The following SMYD3 variants were observed in gnomAD, a reference collection of about 807,000 sequenced individuals.
The protein encoded by SMYD3 is SET and MYND domain containing 3, also known as histone-lysine N-methyltransferase SMYD3.
SMYD3 carries 36 observed loss-of-function variants against 57.7 expected under a neutral mutation model. The observed-to-expected ratio is 0.62, with a 90% CI of 0.48 to 0.82. SMYD3 has a LOEUF of 0.82. Among genes scored for constraint, SMYD3 ranks in the 40% least tolerant of loss-of-function variants. The pLI, the probability that SMYD3 is intolerant of heterozygous loss-of-function variation, is 0.00. For missense variants in SMYD3, 515 were observed against 538.8 expected (o/e 0.96, Z 0.44); for synonymous variants, 211 against 195.0 (o/e 1.08, Z -0.68).
At chr1:246,039,540 C>T (rs2059832655) in intron 5 of SMYD3, among the ~76,000 whole-genome samples, 1 of 152,182 alleles carries the variant, frequency 6.6e-6, no homozygotes, top group Non-Finnish European at 1.5e-5. Context: ...TGTGGGATTG[C>T]TGTATCCCTC....
In SMYD3 at chr1:246,182,144, C is replaced by T. The variant is rs186846451; in HGVS notation, c.531+145057G>A. Among the ~76,000 whole-genome samples the T allele has an allele frequency of 7.9e-5, 12 of 152,230 alleles. No homozygotes were observed. In the South Asian group the frequency reaches 1.0e-3, roughly 13 times the overall value. ...AAAACCTCACCACTGTTGTTCTCAT[C>T]GTAACTGAAATCCAGCACATTAAAG... On this transcript the variant is annotated intron_variant, in intron 5 of 11. Coordinates refer to ENST00000490107, the MANE Select transcript of SMYD3 (RefSeq NM_001167740.2).
At chr1:246,338,795 C>A (rs1456243109) in intron 2 of SMYD3, among the ~76,000 whole-genome samples, 2 of 152,148 alleles carry the variant, frequency 1.3e-5, no homozygotes. Context: ...ATTAACCACA[C>A]CAGTAGTTCT....
At chr1:245,987,204 T>A (rs1272528213) in intron 5 of SMYD3, among the ~76,000 whole-genome samples, 1 of 152,230 alleles carries the variant, frequency 6.6e-6, no homozygotes, top group Non-Finnish European at 1.5e-5. Flanking sequence ...GATGTTCCCA[T>A]AATCAGCCAC....
intron 5 of SMYD3, among the ~76,000 whole-genome samples, chr1:246,041,611 C>G (rs1222951497): frequency 1.3e-5 from 2 of 152,096 alleles, no homozygotes; most frequent in East Asian, 3.9e-4. Flanking sequence ...TGGGTAAACT[C>G]AGCAATGTTC....
chr1:246,296,178 C>T (rs10802383), intron 5 of SMYD3, among the ~76,000 whole-genome samples: 16,079 of 152,188 alleles, frequency 0.11, 1,694 homozygotes, highest in African/African-American at 0.27. Flanking sequence ...AGAGAAACTT[C>T]CTCCACAACC....
At chr1:246,158,096 T>G (rs1005450407) in intron 5 of SMYD3, among the ~76,000 whole-genome samples, 1 of 152,206 alleles carries the variant, frequency 6.6e-6, no homozygotes, top group Admixed American at 6.5e-5. Flanking sequence ...TCAGAATGAA[T>G]TATTAAAGCC....
intron 5 of SMYD3, among the ~76,000 whole-genome samples, chr1:246,005,056 C>T (rs2059145535): frequency 6.6e-6 from 1 of 152,048 alleles, no homozygotes; most frequent in Non-Finnish European, 1.5e-5. Context: ...TCCATGTTGC[C>T]CATGCTGGTC....
At chr1:246,378,759 AAT>A (rs1178690767) in intron 1 of SMYD3, among the ~76,000 whole-genome samples, 1 of 105,364 alleles carries the variant, frequency 9.5e-6, no homozygotes, top group Non-Finnish European at 1.8e-5. Context: ...TAATATATTT[AAT>A]ATATTATATA....
intron 5 of SMYD3, among the ~76,000 whole-genome samples, chr1:246,214,663 G>T (rs2063137321): frequency 6.6e-6 from 1 of 152,110 alleles, no homozygotes; most frequent in African/African-American, 2.4e-5. Flanking sequence ...AAGAGAGAAG[G>T]TTCTGCCCTA....
intron 10 of SMYD3, among the ~76,000 whole-genome samples, chr1:245,831,907 T>C (rs1400767452): frequency 6.6e-6 from 1 of 152,234 alleles, no homozygotes; most frequent in African/African-American, 2.4e-5. Context: ...TTGGAAACTT[T>C]GCCGGACATT....
intron 10 of SMYD3, among the ~76,000 whole-genome samples, chr1:245,828,994 C>T (rs752169427): frequency 3.3e-5 from 5 of 152,038 alleles, no homozygotes; most frequent in African/African-American, 1.2e-4. Context: ...TGAGCCACCA[C>T]GCCCGGCCAG....
chr1:246,284,865 T>C (rs947379260), intron 5 of SMYD3, among the ~76,000 whole-genome samples: 3 of 152,218 alleles, frequency 2.0e-5, no homozygotes, highest in Admixed American at 6.5e-5. Context: ...TCTGGTCATG[T>C]TGCTTTTAAA....
At chr1:246,465,783 A>AT (rs2067873386) in intron 1 of SMYD3, among the ~76,000 whole-genome samples, 2 of 152,070 alleles carry the variant, frequency 1.3e-5, no homozygotes, top group Admixed American at 1.3e-4. Context: ...TTTGTTTTTC[A>AT]TTTTTTTGAA....
chr1:246,144,039 T>G (rs372522114), intron 5 of SMYD3, among the ~76,000 whole-genome samples: 1 of 152,256 alleles, frequency 6.6e-6, no homozygotes, highest in East Asian at 1.9e-4. Context: ...AAGCTGGAGA[T>G]TTTCTTCTCC....
At chr1:246,241,452 G>A (rs778238055) in intron 5 of SMYD3, among the ~76,000 whole-genome samples, 10 of 152,272 alleles carry the variant, frequency 6.6e-5, no homozygotes, top group Non-Finnish European at 8.8e-5. Context: ...CAACTTGATC[G>A]TAGTGGATAA....
intron 5 of SMYD3, among the ~76,000 whole-genome samples, chr1:245,937,291 C>T (rs2057027396): frequency 6.6e-6 from 1 of 152,242 alleles, no homozygotes; most frequent in South Asian, 2.1e-4. Flanking sequence ...CTCTCTCCCA[C>T]AGTCAAACTG....
At chr1:245,823,964 G>C (rs2049321783) in intron 10 of SMYD3, among the ~76,000 whole-genome samples, 1 of 152,218 alleles carries the variant, frequency 6.6e-6, no homozygotes, top group Non-Finnish European at 1.5e-5. Context: ...GGCAGGGCAT[G>C]GCCAGAATGA....
chr1:245,879,274 A>T, intron 8 of SMYD3, among the ~76,000 whole-genome samples: 1 of 152,246 alleles, frequency 6.6e-6, no homozygotes, highest in East Asian at 1.9e-4. Flanking sequence ...CAATAGGACT[A>T]GATGACCTAC....
rs112227937 is a variant in SMYD3 at position 245,880,431 on chromosome 1, C to G, written c.814-16545G>C. Among the ~76,000 whole-genome samples the G allele has an allele frequency of 5.3e-5, 8 of 152,266 alleles. 1 individual carries two copies. Among genetic ancestry groups the G allele is most frequent in the African/African-American group, 1.9e-4 (8 of 41,556 alleles). ...AACTGATGTCAGCCTTGAATCACTC[C>G]TTGGTAGGAATCATTTTCCTTATTT... On this transcript the variant is annotated intron_variant, in intron 8 of 11. Transcript: ENST00000490107.
Sources: allele counts gnomAD v4.1 joint callset (sites outside exome capture counted in the v4.1 genomes callset), GRCh38; gene constraint gnomAD v4.1.1; transcripts MANE v1.5; gene names NCBI Gene and HGNC (gene_info 2026-07-23, HGNC 2026-07-21).